GALNT14: variants seen among roughly 807,000 people sequenced by gnomAD.
The protein encoded by GALNT14 is polypeptide N-acetylgalactosaminyltransferase 14.
Under a neutral mutation model 77.5 loss-of-function variants are expected in GALNT14, and 60 were observed. That is an observed-to-expected ratio of 0.77 (90% CI 0.63 to 0.96). The LOEUF is 0.96. Among genes scored for constraint, GALNT14 ranks in the 40% least tolerant of loss-of-function variants. GALNT14 has a pLI of 0.00. For missense variants in GALNT14, 710 were observed against 731.0 expected, an observed-to-expected ratio of 0.97 and a Z score of 0.33; for synonymous variants, 280 against 281.7, an observed-to-expected ratio of 0.99 and a Z score of 0.06.
chr2:31,116,250 A>T (rs908308740), intron 1 of GALNT14, among the ~76,000 whole-genome samples: 5 of 152,196 alleles, frequency 3.3e-5, no homozygotes. Flanking sequence ...AATAAAATGG[A>T]GAAAGATAAA....
intron 2 of GALNT14, among the ~76,000 whole-genome samples, chr2:30,971,350 C>A (rs58056469): frequency 0.019 from 2,849 of 151,960 alleles, 37 homozygotes; most frequent in East Asian, 0.056. Context: ...AGCCAGTGAG[C>A]GGGAAAGATT....
Position 31,005,201 on chromosome 2 carries a change from G to A in GALNT14, c.130-12194C>T, listed in dbSNP as rs575142798. Among the ~76,000 whole-genome samples, 18 of 152,306 alleles carry A rather than the reference G, an allele frequency of 1.2e-4. No homozygotes were observed. The South Asian group carries it at 3.5e-3, about 30-fold the overall frequency. ...CATTTGTGATTTTTCTCCTTCAAGG[G>A]ATCCTTTGTTGTTTTCAACCCAATT... On this transcript the variant is annotated intron_variant, in intron 1 of 14. Transcript: ENST00000349752.
chr2:31,060,502 T>A (rs772202376), intron 1 of GALNT14, among the ~76,000 whole-genome samples: 15 of 152,226 alleles, frequency 9.9e-5, no homozygotes, highest in Non-Finnish European at 1.8e-4. Flanking sequence ...ATAGACTGAA[T>A]CAGCCTTCAC....
At chr2:31,069,405 C>T (rs79575009) in intron 1 of GALNT14, among the ~76,000 whole-genome samples, 43 of 152,280 alleles carry the variant, frequency 2.8e-4, no homozygotes, top group African/African-American at 6.7e-4. Flanking sequence ...ATCCCTGTTA[C>T]GTAGTAAGCA....
intron 14 of GALNT14, 132 bp from the exon 15 acceptor site, chr2:30,911,191 A>G (rs1216764849): frequency 5.3e-6 from 4 of 748,632 alleles, no homozygotes; most frequent in Non-Finnish European, 8.7e-6. Flanking sequence ...CATAAGCACT[A>G]AAACTGCAAC....
chr2:31,012,549 G>A (rs1671098100), intron 1 of GALNT14, among the ~76,000 whole-genome samples: 1 of 152,110 alleles, frequency 6.6e-6, no homozygotes, highest in African/African-American at 2.4e-5. Flanking sequence ...ACAGACAAGG[G>A]GACAGACACA....
In GALNT14 at chr2:30,966,231, C is replaced by T. The variant is rs769014379; in HGVS notation, c.371G>A (p.Arg124His). Reference sequence around the variant, plus strand: ...GCGGATGGTCCTGAGCAGCGTGGAGCGGGCCTCGTTGTGGAAGGTGATGAT... The same window carrying T: ...GCGGATGGTCCTGAGCAGCGTGGAGTGGGCCTCGTTGTGGAAGGTGATGAT... Reference protein sequence around the residue: ...SIIITFHNEARSTLLRTIRSV... With the variant: ...SIIITFHNEAHSTLLRTIRSV... The change falls in exon 3 of 15, where the codon CGC becomes CAC. Residue 124 changes from arginine to histidine, a missense_variant. Transcript: ENST00000349752. 2.9e-5 allele frequency: 47 copies of T among 1,613,832 alleles called. No homozygotes were observed. Among genetic ancestry groups the T allele is most frequent in the Non-Finnish European group, 3.4e-5 (40 of 1,179,888 alleles).
chr2:30,913,450 C>T (rs1475415134), intron 13 of GALNT14, among the ~76,000 whole-genome samples: 2 of 152,150 alleles, frequency 1.3e-5, no homozygotes, highest in Admixed American at 6.5e-5. Context: ...AAGGTGTCCC[C>T]CAGGCAGACA....
At chr2:31,127,165 C>T (rs1271528438) in intron 1 of GALNT14, among the ~76,000 whole-genome samples, 1 of 152,144 alleles carries the variant, frequency 6.6e-6, no homozygotes, top group Admixed American at 6.5e-5. Flanking sequence ...AGTGCCAGTG[C>T]CCCAAAATGT....
chr2:31,076,769 T>C (rs139808351), intron 1 of GALNT14, among the ~76,000 whole-genome samples: 7 of 152,222 alleles, frequency 4.6e-5, no homozygotes, highest in African/African-American at 1.2e-4. Context: ...GGGAATGATA[T>C]GATTTGTCAC....
At chr2:31,067,920 G>A (rs1034078198) in intron 1 of GALNT14, among the ~76,000 whole-genome samples, 3 of 152,156 alleles carry the variant, frequency 2.0e-5, no homozygotes, top group Non-Finnish European at 4.4e-5. Flanking sequence ...GGGAGGAGCA[G>A]GCAGGAAGGC....
intron 1 of GALNT14, among the ~76,000 whole-genome samples, chr2:31,011,048 A>G (rs1670995196): frequency 6.6e-6 from 1 of 152,188 alleles, no homozygotes; most frequent in African/African-American, 2.4e-5. Flanking sequence ...AACTAGACTG[A>G]GACAGAAGCA....
intron 1 of GALNT14, among the ~76,000 whole-genome samples, chr2:31,020,170 T>G (rs938330433): frequency 3.3e-5 from 5 of 152,148 alleles, no homozygotes; most frequent in Admixed American, 3.3e-4. Context: ...AAGTGTGTTT[T>G]GCAGCTATCA....
intron 1 of GALNT14, among the ~76,000 whole-genome samples, chr2:31,075,670 T>C (rs1675732778): frequency 6.6e-6 from 1 of 152,202 alleles, no homozygotes; most frequent in South Asian, 2.1e-4. Flanking sequence ...CACGGGATGA[T>C]TTACTCCACC....
At chr2:31,023,727 C>A (rs1397788380) in intron 1 of GALNT14, among the ~76,000 whole-genome samples, 2 of 152,060 alleles carry the variant, frequency 1.3e-5, no homozygotes, top group African/African-American at 4.8e-5. Context: ...AGCCTCATCC[C>A]TCCCCTGTGA....
intron 1 of GALNT14, among the ~76,000 whole-genome samples, chr2:31,034,449 C>G (rs1672591159): frequency 6.6e-6 from 1 of 152,198 alleles, no homozygotes; most frequent in African/African-American, 2.4e-5. Flanking sequence ...CACCACAGCC[C>G]TTCACAAAAC....
intron 1 of GALNT14, among the ~76,000 whole-genome samples, chr2:31,088,161 C>T (rs1036860106): frequency 2.0e-5 from 3 of 152,116 alleles, no homozygotes; most frequent in Admixed American, 6.5e-5. Context: ...ACAGGTATAG[C>T]GATTGCGGCA....
At chr2:31,045,717 C>T (rs1673410335) in intron 1 of GALNT14, among the ~76,000 whole-genome samples, 1 of 152,188 alleles carries the variant, frequency 6.6e-6, no homozygotes, top group South Asian at 2.1e-4. Context: ...CCCGCCTCAG[C>T]CTCCCAAAGT....
intron 1 of GALNT14, 24 bp from the exon 2 acceptor site, chr2:30,993,031 T>A (rs1295611774): frequency 6.2e-7 from 1 of 1,611,612 alleles, no homozygotes; most frequent in South Asian, 1.1e-5. Flanking sequence ...ATGGGAAGTC[T>A]GTGAGAACGG....
Sources: allele counts gnomAD v4.1 joint callset (sites outside exome capture counted in the v4.1 genomes callset), GRCh38; gene constraint gnomAD v4.1.1; transcripts MANE v1.5; gene names NCBI Gene and HGNC (gene_info 2026-07-23, HGNC 2026-07-21).